ALCAM: variants seen among roughly 807,000 people sequenced by gnomAD.
The protein encoded by ALCAM is CD166 antigen.
A neutral mutation model predicts 70.9 loss-of-function variants in ALCAM; 30 were observed. The ratio of observed to expected loss-of-function variants is 0.42; its 90% CI spans 0.32 to 0.57. The LOEUF is 0.57. Among genes scored for constraint, ALCAM ranks in the 20% least tolerant of loss-of-function variants. ALCAM has a pLI of 0.11. For synonymous variants in ALCAM, 249 were observed against 242.5 expected (o/e 1.03, Z -0.25); for missense variants, 591 against 695.1 (o/e 0.85, Z 1.68).
chr3:105,519,638 A>C (rs915907701), intron 1 of ALCAM, among the ~76,000 whole-genome samples: 2 of 152,178 alleles, frequency 1.3e-5, no homozygotes, highest in African/African-American at 4.8e-5. Context: ...AATGAAAAAC[A>C]CAAATATAGT....
chr3:105,453,617 A>G (rs976761232), intron 1 of ALCAM, among the ~76,000 whole-genome samples: 34 of 152,126 alleles, frequency 2.2e-4, no homozygotes, highest in Middle Eastern at 3.2e-3. Flanking sequence ...AAGAATGTCA[A>G]TGGTAGTTTG....
At chr3:105,552,695 GATGT>G in intron 14 of ALCAM, 110 bp downstream of exon 14, 1 of 1,562,628 alleles carries the variant, frequency 6.4e-7, no homozygotes, top group East Asian at 2.3e-5. Flanking sequence ...CAATAAGGAA[GATGT>G]ATCCCCAAAT....
chr3:105,476,489 T>C (rs2152605603), intron 1 of ALCAM, among the ~76,000 whole-genome samples: 1 of 152,218 alleles, frequency 6.6e-6, no homozygotes, highest in East Asian at 1.9e-4. Context: ...TTTCACAGAC[T>C]TCTGTCTTTT....
chr3:105,374,051 T>C (rs1177864932), intron 1 of ALCAM, among the ~76,000 whole-genome samples: 6 of 152,152 alleles, frequency 3.9e-5, no homozygotes, highest in Non-Finnish European at 7.4e-5. Context: ...GGACCTGTGA[T>C]TAAGGATGAA....
chr3:105,454,761 C>T (rs149077578), intron 1 of ALCAM, among the ~76,000 whole-genome samples: 6 of 139,244 alleles, frequency 4.3e-5, no homozygotes, highest in Middle Eastern at 4.5e-3. Flanking sequence ...CTCTACCTTC[C>T]GGTTTCAAGT....
rs1939904686 is a variant in ALCAM at position 105,533,834 on chromosome 3, A to G, written c.547+144A>G. ...ATGGAAGACAATTTTTCTTTGGATC[A>G]GGGTGGGGGGATGGTTTCAGGGTGA... On this transcript the variant is annotated intron_variant, in intron 5 of 15. Transcript: ENST00000306107. The G allele has an allele frequency of 6.4e-6, 4 of 621,372 alleles. No individual in the cohort carries two copies. The Admixed American group carries it at 8.5e-5, about 13-fold the overall frequency. 38.5% of individuals were successfully genotyped at this position (621,372 alleles called of 1,614,324 possible). A position where few individuals can be genotyped will look rare whatever the true frequency, so the allele number is the denominator to read the frequency against.
At chr3:105,375,019 C>G (rs1462099775) in intron 1 of ALCAM, among the ~76,000 whole-genome samples, 1 of 152,154 alleles carries the variant, frequency 6.6e-6, no homozygotes, top group Non-Finnish European at 1.5e-5. Flanking sequence ...AGGGTTGAAA[C>G]CTACACATTG....
At chr3:105,389,448 C>A (rs1423955964) in intron 1 of ALCAM, among the ~76,000 whole-genome samples, 1 of 130,986 alleles carries the variant, frequency 7.6e-6, no homozygotes. Flanking sequence ...AAAGGGAGGC[C>A]TGCGAATATG....
At chr3:105,477,426 A>C (rs982787644) in intron 1 of ALCAM, among the ~76,000 whole-genome samples, 1 of 151,950 alleles carries the variant, frequency 6.6e-6, no homozygotes, top group South Asian at 2.1e-4. Flanking sequence ...TTTTTCTTTC[A>C]GTGCTTTAAA....
chr3:105,506,544 G>A (rs1037545981), intron 1 of ALCAM, among the ~76,000 whole-genome samples: 3 of 152,186 alleles, frequency 2.0e-5, no homozygotes, highest in East Asian at 3.8e-4. Context: ...AGCCCTGCTA[G>A]GACTCTTACA....
chr3:105,505,566 A>G (rs892783576), intron 1 of ALCAM, among the ~76,000 whole-genome samples: 3 of 152,220 alleles, frequency 2.0e-5, no homozygotes, highest in East Asian at 3.8e-4. Context: ...GGAGTATAGT[A>G]TCTGGACATT....
intron 1 of ALCAM, among the ~76,000 whole-genome samples, chr3:105,480,877 T>C (rs1559805879): frequency 6.6e-6 from 1 of 152,258 alleles, no homozygotes; most frequent in Admixed American, 6.5e-5. Flanking sequence ...TTCAGCAGAA[T>C]TGCTTTCTAG....
Position 105,392,067 on chromosome 3 carries a change from C to T in ALCAM, c.73+24586C>T, listed in dbSNP as rs141748306. 7.2e-5 allele frequency among the ~76,000 whole-genome samples: 11 copies of T among 151,770 alleles called. No homozygotes were observed. The East Asian group carries it at 2.1e-3, about 30-fold the overall frequency. ...GTATTTCTGCCAGGTTTTGGTATCACGATAATGCTGGTCTCACAAAATGAG... is the reference window on the plus strand; with the variant it reads ...GTATTTCTGCCAGGTTTTGGTATCATGATAATGCTGGTCTCACAAAATGAG... On this transcript the variant is annotated intron_variant, in intron 1 of 15. Transcript: ENST00000306107.
chr3:105,446,350 G>A (rs1378957338), intron 1 of ALCAM, among the ~76,000 whole-genome samples: 1 of 151,962 alleles, frequency 6.6e-6, no homozygotes, highest in African/African-American at 2.4e-5. Context: ...GTGGGGAAAG[G>A]GAATTCTTAT....
intron 1 of ALCAM, among the ~76,000 whole-genome samples, chr3:105,401,987 A>G (rs1182899744): frequency 6.6e-6 from 1 of 152,208 alleles, no homozygotes; most frequent in Admixed American, 6.5e-5. Flanking sequence ...GACTGCTTGA[A>G]AAAAACAGAG....
Position 105,576,507 on chromosome 3 carries a change from T to C in ALCAM, c.*2056T>C, listed in dbSNP as rs900125096. 6.6e-6 allele frequency: 1 copy of C among 152,624 alleles called. No homozygotes were observed. The highest frequency in any genetic ancestry group is 2.4e-5 in the African/African-American group (1 of 41,454). 9.5% of individuals were successfully genotyped at this position (152,624 alleles called of 1,614,324 possible). On this transcript the variant is annotated 3_prime_UTR_variant, in exon 16 of 16. Coordinates refer to ENST00000306107, the MANE Select transcript of ALCAM (RefSeq NM_001627.4). ...AATAGAGAGAGTTATGCTACAATTA[T>C]TTCTTGGTTTCCACTTGCAATGGTT...
In ALCAM at chr3:105,537,251, A is replaced by G. The variant is rs1262580897; in HGVS notation, c.730+2406A>G. 2.0e-5 allele frequency among the ~76,000 whole-genome samples: 3 copies of G among 152,126 alleles called. No homozygotes were observed. In the East Asian group the frequency reaches 5.8e-4, roughly 29 times the overall value. ...TTCTGACACTGCCTACGTTTATGCC[A>G]CCATTCCTCATTGCCTCTATTCCTG... On this transcript the variant is annotated intron_variant, in intron 6 of 15. Transcript: ENST00000306107.
At chr3:105,442,240 A>G (rs1172793254) in intron 1 of ALCAM, among the ~76,000 whole-genome samples, 1 of 152,162 alleles carries the variant, frequency 6.6e-6, no homozygotes, top group Non-Finnish European at 1.5e-5. Flanking sequence ...GGTTTGAGGT[A>G]TCAGGACACA....
rs1251273719 is a variant in ALCAM at position 105,545,247 on chromosome 3, G to C, written c.1016G>C (p.Ser339Thr). Residue 339 changes from serine to threonine, a missense_variant, in exon 9 of 16, where the codon AGT (serine) becomes ACT (threonine). By Grantham distance (58) the Ser-to-Thr change is moderately conservative. Around this residue, in one of 2 missense-constraint regions of ALCAM, gnomAD observed 427 missense variants for 450.4 expected, o/e 0.95. Coordinates refer to ENST00000306107, the MANE Select transcript of ALCAM (RefSeq NM_001627.4). ...VHYLDLSLNP[S>T]GEVTRQIGDA... ...GATTTGGATTTGTCCTTAAACCCAA[G>C]TGGAGAAGTGACTAGACAGATTGGT... The C allele has an allele frequency of 7.5e-6, 12 of 1,608,646 alleles. No homozygotes were observed. The highest frequency in any genetic ancestry group is 1.0e-5 in the Non-Finnish European group (12 of 1,175,986).
Sources: gnomAD v4.1 joint callset for allele counts (sites outside exome capture counted in the v4.1 genomes callset) on GRCh38, gnomAD v4.1.1 for gene constraint, gnomAD v4.1.1 regional missense constraint, MANE v1.5 for transcripts, NCBI Gene and HGNC (gene_info 2026-07-23, HGNC 2026-07-21) for gene names.